The following AOPEP variants were observed in gnomAD, a reference collection of about 807,000 sequenced individuals.
The protein encoded by AOPEP is aminopeptidase O.
Under a neutral mutation model 98.1 loss-of-function variants are expected in AOPEP, and 77 were observed. That is an observed-to-expected ratio of 0.78 (90% CI 0.65 to 0.95). AOPEP has a LOEUF of 0.95. Among genes scored for constraint, AOPEP ranks in the 40% least tolerant of loss-of-function variants. The pLI is 0.00. For synonymous variants in AOPEP, 346 were observed against 365.3 expected (o/e 0.95, Z 0.60); for missense variants, 1,024 against 1,024.7 (o/e 1.00, Z 0.01).
intron 13 of AOPEP, chr9:95,020,280 A>G (rs551544965): frequency 6.6e-6 from 1 of 152,384 alleles, no homozygotes; most frequent in East Asian, 1.9e-4. Context: ...TGTGGGGCAC[A>G]GACACTGAGG....
intron 5 of AOPEP, among the ~76,000 whole-genome samples, chr9:94,847,105 G>T (rs572762093): frequency 7.3e-6 from 1 of 137,652 alleles, no homozygotes; most frequent in South Asian, 2.3e-4. Flanking sequence ...AGGGAGGTTG[G>T]TAGATTTGGT....
At chr9:94,837,196 C>T (rs1313802997) in intron 5 of AOPEP, among the ~76,000 whole-genome samples, 2 of 152,110 alleles carry the variant, frequency 1.3e-5, no homozygotes, top group African/African-American at 4.8e-5. Context: ...ACTCTCCTAG[C>T]TTCAATCAGG....
At chr9:95,018,679 T>C (rs1435387562) in intron 13 of AOPEP, among the ~76,000 whole-genome samples, 2 of 152,260 alleles carry the variant, frequency 1.3e-5, no homozygotes, top group Non-Finnish European at 2.9e-5. Flanking sequence ...GCAGCTTGTT[T>C]TCTGCAGAAG....
At chr9:94,894,745 A>G (rs1448464651) in intron 5 of AOPEP, among the ~76,000 whole-genome samples, 3 of 152,248 alleles carry the variant, frequency 2.0e-5, no homozygotes, top group Non-Finnish European at 4.4e-5. Context: ...AGACAGAACA[A>G]TAACATACTA....
intron 11 of AOPEP, among the ~76,000 whole-genome samples, chr9:94,984,826 G>A (rs1057400562): frequency 2.0e-5 from 3 of 152,270 alleles, no homozygotes; most frequent in East Asian, 1.9e-4. Flanking sequence ...GAGTGAAATC[G>A]TCTGTATTTT....
intron 1 of AOPEP, among the ~76,000 whole-genome samples, chr9:94,743,563 C>A (rs546993589): frequency 6.6e-6 from 1 of 152,198 alleles, no homozygotes; most frequent in Non-Finnish European, 1.5e-5. Context: ...CTATTGAGCC[C>A]AGCAAGGGAA....
At chr9:94,844,688 G>A (rs936316022) in intron 5 of AOPEP, among the ~76,000 whole-genome samples, 4 of 152,202 alleles carry the variant, frequency 2.6e-5, no homozygotes, top group African/African-American at 9.6e-5. Flanking sequence ...GACACATATC[G>A]AATAGCCACT....
chr9:94,969,974 G>A (rs10993418), intron 10 of AOPEP, among the ~76,000 whole-genome samples: 47,434 of 152,028 alleles, frequency 0.31, 8,706 homozygotes, highest in Non-Finnish European at 0.42. Flanking sequence ...AGGGTACAGT[G>A]TCAGGGCTTA....
intron 9 of AOPEP, among the ~76,000 whole-genome samples, chr9:94,961,891 G>A (rs1339569484): frequency 1.3e-5 from 2 of 152,036 alleles, no homozygotes; most frequent in Non-Finnish European, 1.5e-5. Context: ...TCTCAGCTTG[G>A]GTAGCACTCT....
At chr9:94,988,556 C>A (rs2060664671) in intron 11 of AOPEP, among the ~76,000 whole-genome samples, 2 of 152,126 alleles carry the variant, frequency 1.3e-5, no homozygotes, top group Non-Finnish European at 2.9e-5. Context: ...ATAACCCAGT[C>A]CTGCCTTCGA....
chr9:94,945,612 C>T (rs1018840631), intron 7 of AOPEP, among the ~76,000 whole-genome samples: 1 of 152,132 alleles, frequency 6.6e-6, no homozygotes, highest in Admixed American at 6.5e-5. Flanking sequence ...TGCCTAGGGC[C>T]GTGCTGTCCT....
At chr9:94,843,339 G>A (rs2042495979) in intron 5 of AOPEP, among the ~76,000 whole-genome samples, 1 of 152,068 alleles carries the variant, frequency 6.6e-6, no homozygotes, top group East Asian at 1.9e-4. Context: ...GTCATGCTTT[G>A]TGGCCTGTCT....
chr9:94,864,626 A>G (rs183595588), intron 5 of AOPEP, among the ~76,000 whole-genome samples: 1 of 152,310 alleles, frequency 6.6e-6, no homozygotes, highest in East Asian at 1.9e-4. Flanking sequence ...TAAACATGTA[A>G]AGACCATTAA....
chr9:95,001,294 G>A (rs2061544731), intron 11 of AOPEP, among the ~76,000 whole-genome samples: 1 of 152,200 alleles, frequency 6.6e-6, no homozygotes, highest in African/African-American at 2.4e-5. Context: ...CTCAGCCTCG[G>A]ACGTTGTCTT....
chr9:94,841,075 A>G (rs1361284538), intron 5 of AOPEP, among the ~76,000 whole-genome samples: 3 of 151,930 alleles, frequency 2.0e-5, no homozygotes, highest in African/African-American at 4.8e-5. Context: ...TAAGGTAGCA[A>G]CTTAGCTTAT....
chr9:94,866,559 C>T (rs2045728950), intron 5 of AOPEP, among the ~76,000 whole-genome samples: 1 of 152,092 alleles, frequency 6.6e-6, no homozygotes, highest in Non-Finnish European at 1.5e-5. Flanking sequence ...TTGAAGGTAG[C>T]TTCAAGCATC....
At chr9:95,051,237 G>A (rs1354693419) in intron 13 of AOPEP, among the ~76,000 whole-genome samples, 2 of 151,430 alleles carry the variant, frequency 1.3e-5, no homozygotes, top group East Asian at 2.0e-4. Context: ...CTACAGGTGC[G>A]CGCCACCACA....
At chr9:95,072,263 A>T (rs1419111042) in intron 14 of AOPEP, among the ~76,000 whole-genome samples, 1 of 152,232 alleles carries the variant, frequency 6.6e-6, no homozygotes, top group Non-Finnish European at 1.5e-5. Flanking sequence ...CTTTGACCAA[A>T]AGGCCAAAAG....
chr9:95,057,151 G>C (rs1340213661), intron 13 of AOPEP, among the ~76,000 whole-genome samples: 1 of 152,230 alleles, frequency 6.6e-6, no homozygotes, highest in Non-Finnish European at 1.5e-5. Context: ...TGCTTTCTTA[G>C]GTGGTGATGC....
Sources: allele counts gnomAD v4.1 joint callset (sites outside exome capture counted in the v4.1 genomes callset), GRCh38; gene constraint gnomAD v4.1.1; transcripts MANE v1.5; gene names NCBI Gene and HGNC (gene_info 2026-07-23, HGNC 2026-07-21).